The following JMJD1C variants were observed in gnomAD, a reference collection of about 807,000 sequenced individuals.
The protein encoded by JMJD1C is jumonji domain-containing protein 1C.
A neutral mutation model predicts 245.3 loss-of-function variants in JMJD1C; 31 were observed. The ratio of observed to expected loss-of-function variants is 0.13; its 90% CI spans 0.09 to 0.17. JMJD1C has a LOEUF of 0.17. JMJD1C is among the 10% of genes least tolerant of loss of function. The pLI, the probability that JMJD1C is intolerant of heterozygous loss-of-function variation, is 1.00. For synonymous variants in JMJD1C, 1,057 were observed against 1,017.4 expected, an observed-to-expected ratio of 1.04 and a Z score of -0.74; for missense variants, 2,691 against 3,000.2, an observed-to-expected ratio of 0.90 and a Z score of 2.41.
chr10:63,234,493 T>TAAAAAAAAAAAAAAAAAAAAAAAAAAAA (rs71025129), intron 3 of JMJD1C, among the ~76,000 whole-genome samples: 1 of 37,034 alleles, frequency 2.7e-5, no homozygotes, highest in African/African-American at 1.1e-4. Context: ...AACCTCCTCT[T>TAAAAAAAAAAAAAAAAAAAAAAAAAAAA]AAAAAAAAAA....
In JMJD1C at chr10:63,394,722, C is replaced by T. The variant is rs145696014; in HGVS notation, c.169-14240G>A. Among the ~76,000 whole-genome samples the T allele has an allele frequency of 8.1e-3, 1,234 of 151,864 alleles. 12 individuals are homozygous for T. Among genetic ancestry groups the T allele is most frequent in the Non-Finnish European group, 0.013 (882 of 67,960 alleles). On this transcript the variant is annotated intron_variant, in intron 1 of 25. Coordinates refer to ENST00000399262, the MANE Select transcript of JMJD1C (RefSeq NM_032776.3). Reference sequence around the variant, plus strand: ...AGTCAGGCTTGGTGGCGCATGCCTGCAATCCCAGCTACTTGGGAGGCTGAG... The same window carrying T: ...AGTCAGGCTTGGTGGCGCATGCCTGTAATCCCAGCTACTTGGGAGGCTGAG...
intron 1 of JMJD1C, among the ~76,000 whole-genome samples, chr10:63,471,312 A>G (rs1305582069): frequency 6.6e-6 from 1 of 152,216 alleles, no homozygotes; most frequent in East Asian, 1.9e-4. Context: ...TGTAAAATCT[A>G]AACTAAAAAG....
intron 13 of JMJD1C, chr10:63,194,741 G>A (rs1471275325): frequency 5.3e-6 from 1 of 190,076 alleles, no homozygotes; most frequent in Non-Finnish European, 1.1e-5. Context: ...CCTGATCCTA[G>A]TACATCAGAC....
In JMJD1C at chr10:63,337,462, G is replaced by C. The variant is rs530613944; in HGVS notation, c.333+42856C>G. On this transcript the variant is annotated intron_variant, in intron 2 of 25. Coordinates refer to ENST00000399262, the MANE Select transcript of JMJD1C (RefSeq NM_032776.3). ...GTCAGAAAGAAAGAGAAGGCGGGGG[G>C]GGGGGAGGGAGAGAGAGAGGGAAGG... Among the ~76,000 whole-genome samples the C allele has an allele frequency of 3.2e-4, 24 of 75,930 alleles. 2 individuals are homozygous for C. Among genetic ancestry groups the C allele is most frequent in the African/African-American group, 1.2e-3 (17 of 14,304 alleles). 49.8% of individuals were successfully genotyped at this position (75,930 alleles called of 152,430 possible). A position where few individuals can be genotyped will look rare whatever the true frequency, so the allele number is the denominator to read the frequency against.
chr10:63,479,493 T>C (rs558642573), intron 1 of JMJD1C, among the ~76,000 whole-genome samples: 2 of 152,328 alleles, frequency 1.3e-5, no homozygotes, highest in Admixed American at 6.5e-5. Context: ...AATGAAATTT[T>C]TGCCATTAGT....
chr10:63,432,792 T>C (rs1950838523), intron 1 of JMJD1C, among the ~76,000 whole-genome samples: 1 of 152,162 alleles, frequency 6.6e-6, no homozygotes, highest in Admixed American at 6.5e-5. Flanking sequence ...CATACAACAT[T>C]GTTGATGTTT....
intron 1 of JMJD1C, among the ~76,000 whole-genome samples, chr10:63,393,172 G>T (rs1355114255): frequency 6.6e-6 from 1 of 152,176 alleles, no homozygotes; most frequent in Non-Finnish European, 1.5e-5. Flanking sequence ...GGAGACTGAG[G>T]TGGGAGAATC....
rs1589150729 is a variant in JMJD1C, at chr10:63,208,488, T to G, written c.3181A>C (p.Ser1061Arg). Residue 1061 changes from serine (S) to arginine (R), a missense_variant, in exon 10 of 26, where the codon AGC becomes CGC. By Grantham distance (110) the Ser-to-Arg change is moderately radical. Coordinates refer to ENST00000399262, the MANE Select transcript of JMJD1C (RefSeq NM_032776.3). ...TCCATATCTTGTTTGATGATATGGCTTTTAGGACTGGAAGATGATGATGCC... is the reference window on the plus strand; with the variant it reads ...TCCATATCTTGTTTGATGATATGGCGTTTAGGACTGGAAGATGATGATGCC... ...RVASSSSSPK[S>R]HIIKQDMDVE... 1 of 1,614,018 alleles carries G rather than the reference T, an allele frequency of 6.2e-7. No homozygotes were observed. Among genetic ancestry groups the G allele is most frequent in the Non-Finnish European group, 8.5e-7 (1 of 1,179,916 alleles).
At chr10:63,515,079 G>A (rs35386465) in intron 1 of JMJD1C, among the ~76,000 whole-genome samples, 30,694 of 152,094 alleles carry the variant, frequency 0.2, 4,063 homozygotes, top group Non-Finnish European at 0.29. Flanking sequence ...TCTAGACTGT[G>A]ACCTTCCACC....
chr10:63,444,720 A>C (rs1378438055), intron 1 of JMJD1C, among the ~76,000 whole-genome samples: 1 of 145,848 alleles, frequency 6.9e-6, no homozygotes, highest in Non-Finnish European at 1.5e-5. Flanking sequence ...CCGCCTCCTG[A>C]GTTCAAGTGA....
intron 1 of JMJD1C, among the ~76,000 whole-genome samples, chr10:63,383,794 G>A (rs1947387940): frequency 1.3e-5 from 2 of 152,192 alleles, no homozygotes; most frequent in South Asian, 4.1e-4. Flanking sequence ...TCAGAGAGTT[G>A]TAGTATCTTT....
chr10:63,487,063 C>T (rs1167814255), intron 1 of JMJD1C, among the ~76,000 whole-genome samples: 1 of 152,154 alleles, frequency 6.6e-6, no homozygotes, highest in Non-Finnish European at 1.5e-5. Context: ...AAGATAATAG[C>T]TTCTATTTTA....
At chr10:63,374,302 G>A (rs371996311) in intron 2 of JMJD1C, among the ~76,000 whole-genome samples, 25 of 152,160 alleles carry the variant, frequency 1.6e-4, no homozygotes, top group East Asian at 1.2e-3. Flanking sequence ...TTGAAACAAC[G>A]AAATATTATT....
At chr10:63,490,306 G>C (rs1471920962) in intron 1 of JMJD1C, among the ~76,000 whole-genome samples, 1 of 152,040 alleles carries the variant, frequency 6.6e-6, no homozygotes, top group African/African-American at 2.4e-5. Flanking sequence ...ACCTCTTCAT[G>C]AAGCCCTTCA....
chr10:63,445,063 C>CA (rs945060715), intron 1 of JMJD1C, among the ~76,000 whole-genome samples: 8 of 151,832 alleles, frequency 5.3e-5, no homozygotes, highest in South Asian at 2.1e-4. Context: ...CCAGTCTCTA[C>CA]AAAAAAACAA....
At chr10:63,388,851 A>G (rs1368376082) in intron 1 of JMJD1C, among the ~76,000 whole-genome samples, 6 of 152,216 alleles carry the variant, frequency 3.9e-5, no homozygotes, top group Non-Finnish European at 5.9e-5. Flanking sequence ...AAGACATTCC[A>G]TGCAAATAGA....
chr10:63,291,411 T>C (rs1238638339), intron 2 of JMJD1C, among the ~76,000 whole-genome samples: 1 of 145,788 alleles, frequency 6.9e-6, no homozygotes, highest in Non-Finnish European at 1.5e-5. Context: ...GGTCACGAGA[T>C]CAAGACCATC....
chr10:63,189,517 C>G, intron 17 of JMJD1C, 71 bp from the exon 18 acceptor site: 1 of 1,343,940 alleles, frequency 7.4e-7, no homozygotes, highest in South Asian at 1.4e-5. Context: ...CTCCCACAGA[C>G]TTATTTTTTT....
chr10:63,340,009 G>A (rs1410569071), intron 2 of JMJD1C, among the ~76,000 whole-genome samples: 2 of 152,116 alleles, frequency 1.3e-5, no homozygotes, highest in African/African-American at 4.8e-5. Flanking sequence ...GCAGTGAGCT[G>A]AGATAGCGCC....
Sources: gnomAD v4.1 joint callset for allele counts (sites outside exome capture counted in the v4.1 genomes callset) on GRCh38, gnomAD v4.1.1 for gene constraint, MANE v1.5 for transcripts, NCBI Gene and HGNC (gene_info 2026-07-23, HGNC 2026-07-21) for gene names.